Variants in GRM8 observed in about 807,000 individuals in gnomAD.
GRM8 encodes the protein glutamate metabotropic receptor 8, also known as metabotropic glutamate receptor 8.
A neutral mutation model predicts 87.2 loss-of-function variants in GRM8; 47 were observed. The observed-to-expected ratio is 0.54, with a 90% confidence interval of 0.43 to 0.69. The LOEUF (loss-of-function observed/expected upper bound fraction) is 0.69. Among genes scored for constraint, GRM8 ranks in the 30% least tolerant of loss-of-function variants. GRM8 has a pLI of 0.00. For synonymous variants in GRM8, 396 were observed against 404.5 expected (o/e 0.98, Z 0.25); for missense variants, 1,019 against 1,139.2 (o/e 0.89, Z 1.52).
At chr7:126,823,915 G>T (rs956751019) in intron 6 of GRM8, among the ~76,000 whole-genome samples, 1 of 152,108 alleles carries the variant, frequency 6.6e-6, no homozygotes, top group Admixed American at 6.5e-5. Context: ...TGCAAATTTG[G>T]TGGCTGGTGG....
intron 6 of GRM8, among the ~76,000 whole-genome samples, chr7:126,838,730 T>C (rs1290870538): frequency 6.6e-6 from 1 of 152,208 alleles, no homozygotes; most frequent in Non-Finnish European, 1.5e-5. Flanking sequence ...GACTCATACA[T>C]TGTTCTCTCC....
At chr7:126,701,801 G>T in intron 7 of GRM8, 2 of 1,290,468 alleles carry the variant, frequency 1.5e-6, no homozygotes, top group Non-Finnish European at 2.0e-6. Context: ...GGCCAGGGTA[G>T]AGACATCTGG....
chr7:126,893,312 G>GGACT (rs1801244813), intron 6 of GRM8, among the ~76,000 whole-genome samples: 1 of 151,896 alleles, frequency 6.6e-6, no homozygotes, highest in Non-Finnish European at 1.5e-5. Flanking sequence ...ATAGGACACA[G>GGACT]GACTATATGT....
At chr7:126,537,939 A>T (rs927202991) in intron 8 of GRM8, among the ~76,000 whole-genome samples, 13 of 152,166 alleles carry the variant, frequency 8.5e-5, no homozygotes, top group African/African-American at 2.9e-4. Flanking sequence ...AGATGCCTTA[A>T]CCATATATTT....
chr7:126,601,103 C>T (rs1797708687), intron 8 of GRM8, among the ~76,000 whole-genome samples: 1 of 143,632 alleles, frequency 7.0e-6, no homozygotes, highest in Non-Finnish European at 1.5e-5. Context: ...CACCACAGTC[C>T]CCAGAGTGTG....
At chr7:126,897,446 G>A (rs1801651800) in intron 6 of GRM8, among the ~76,000 whole-genome samples, 1 of 152,002 alleles carries the variant, frequency 6.6e-6, no homozygotes, top group South Asian at 2.1e-4. Flanking sequence ...AGGACTGAGT[G>A]GGGAAATAAG....
At chr7:126,732,578 G>C (rs957869547) in intron 7 of GRM8, among the ~76,000 whole-genome samples, 1 of 152,036 alleles carries the variant, frequency 6.6e-6, no homozygotes, top group Non-Finnish European at 1.5e-5. Context: ...TGTGAATATG[G>C]CGTATAGAGA....
intron 6 of GRM8, among the ~76,000 whole-genome samples, chr7:126,780,718 G>A (rs1350278006): frequency 3.3e-5 from 5 of 152,114 alleles, no homozygotes; most frequent in African/African-American, 1.2e-4. Flanking sequence ...GGGAGGCACA[G>A]GTGAGGCCTG....
chr7:127,051,527 C>T (rs1819472413), intron 3 of GRM8, among the ~76,000 whole-genome samples: 2 of 151,946 alleles, frequency 1.3e-5, no homozygotes, highest in Admixed American at 1.3e-4. Flanking sequence ...AGCAGAAAAA[C>T]TCAGATCTGA....
At chr7:126,449,582 C>A (rs561415391) in intron 9 of GRM8, among the ~76,000 whole-genome samples, 1 of 151,734 alleles carries the variant, frequency 6.6e-6, no homozygotes, top group African/African-American at 2.4e-5. Context: ...TCTGACTATA[C>A]GATGTTGAGG....
intron 3 of GRM8, among the ~76,000 whole-genome samples, chr7:127,103,483 C>T (rs937981484): frequency 5.3e-5 from 8 of 152,178 alleles, no homozygotes; most frequent in South Asian, 2.1e-4. Flanking sequence ...GTAGTGGATG[C>T]CACTTTGCTT....
intron 6 of GRM8, among the ~76,000 whole-genome samples, chr7:126,802,848 C>T (rs1484700790): frequency 6.6e-6 from 1 of 152,108 alleles, no homozygotes; most frequent in Non-Finnish European, 1.5e-5. Flanking sequence ...GGTCAAAATG[C>T]ACTGAGAATA....
intron 9 of GRM8, among the ~76,000 whole-genome samples, chr7:126,523,014 T>C (rs1813229750): frequency 6.6e-6 from 1 of 152,240 alleles, no homozygotes; most frequent in Non-Finnish European, 1.5e-5. Flanking sequence ...TCATCAGCTA[T>C]AAGCTGACAC....
intron 3 of GRM8, among the ~76,000 whole-genome samples, chr7:127,073,626 T>C (rs991369811): frequency 1.3e-5 from 2 of 152,100 alleles, no homozygotes; most frequent in African/African-American, 4.8e-5. Flanking sequence ...TTTCCCAAAG[T>C]CTATGAAACT....
At chr7:126,523,335 T>C (rs1177268063) in intron 9 of GRM8, among the ~76,000 whole-genome samples, 1 of 152,126 alleles carries the variant, frequency 6.6e-6, no homozygotes, top group African/African-American at 2.4e-5. Flanking sequence ...ATTAATGAGT[T>C]TGAATGTTTT....
At chr7:126,489,916 C>T (rs1321409082) in intron 9 of GRM8, among the ~76,000 whole-genome samples, 2 of 151,976 alleles carry the variant, frequency 1.3e-5, no homozygotes, top group Admixed American at 1.3e-4. Context: ...ACAAATTCCT[C>T]CCCCTCCCCC....
At chr7:126,629,162 C>A (rs554771934) in intron 7 of GRM8, among the ~76,000 whole-genome samples, 1 of 152,204 alleles carries the variant, frequency 6.6e-6, no homozygotes, top group South Asian at 2.1e-4. Flanking sequence ...GTCAATGAAC[C>A]CAGACAAAAT....
chr7:126,742,030 C>T (rs549127041), intron 7 of GRM8, among the ~76,000 whole-genome samples: 1 of 152,136 alleles, frequency 6.6e-6, no homozygotes, highest in Admixed American at 6.6e-5. Context: ...TAAACTTCCA[C>T]ACTTGGCCCT....
chr7:126,562,620 C>T (rs1017727317), intron 8 of GRM8, among the ~76,000 whole-genome samples: 12 of 152,126 alleles, frequency 7.9e-5, no homozygotes, highest in South Asian at 6.2e-4. Context: ...GGTTGCCCGG[C>T]GTGGTGGCTC....
Sources: allele counts gnomAD v4.1 joint callset (sites outside exome capture counted in the v4.1 genomes callset), GRCh38; gene constraint gnomAD v4.1.1; transcripts MANE v1.5; gene names NCBI Gene and HGNC (gene_info 2026-07-23, HGNC 2026-07-21).